Variants in HEMK1 observed in about 807,000 individuals in gnomAD.
HEMK1 encodes the protein HemK methyltransferase 1, mitochondrial release factors N(5)-glutamine.
A neutral mutation model predicts 47.9 loss-of-function variants in HEMK1; 36 were observed. The observed-to-expected ratio is 0.75, with a 90% confidence interval of 0.58 to 0.99. The LOEUF is 0.99. HEMK1 is among the 50% of genes least tolerant of loss of function. The pLI is 0.00. For missense variants in HEMK1, 383 were observed against 434.5 expected, an observed-to-expected ratio of 0.88 and a Z score of 1.05; for synonymous variants, 153 against 165.4, an observed-to-expected ratio of 0.93 and a Z score of 0.57.
In HEMK1 at chr3:50,584,527, G is replaced by A. The variant is rs2031174461; in HGVS notation, c.*4110G>A. 6.6e-6 allele frequency: 1 copy of A among 152,210 alleles called. No homozygotes were observed. Among genetic ancestry groups the A allele is most frequent in the Admixed American group, 6.5e-5 (1 of 15,282 alleles). 9.4% of individuals were successfully genotyped at this position (152,210 alleles called of 1,614,324 possible). On this transcript the variant is annotated 3_prime_UTR_variant, in exon 11 of 11. Coordinates refer to ENST00000232854, the MANE Select transcript of HEMK1 (RefSeq NM_016173.5). The stretch of plus-strand genomic sequence containing the variant: ...GGGCCTCTGTAAAGGAGGCAGGAGT[G>A]TCAGAGTGACGGAAGAAAATGTATG...
At chr3:50,572,427 C>A (rs541522385) in intron 4 of HEMK1, among the ~76,000 whole-genome samples, 1 of 152,354 alleles carries the variant, frequency 6.6e-6, no homozygotes, top group East Asian at 1.9e-4. Context: ...ATCAACCCAG[C>A]CTCTAGGTCT....
Position 50,580,139 on chromosome 3 carries a change from C to T in HEMK1, c.890C>T (p.Pro297Leu), listed in dbSNP as rs2030566481. The T allele has an allele frequency of 6.2e-7, 1 of 1,614,146 alleles. No homozygotes were observed. The highest frequency in any genetic ancestry group is 2.2e-5 in the East Asian group (1 of 44,894). The change falls in exon 10 of 11, where the codon CCA becomes CTA. Residue 297 changes from proline to leucine, a missense_variant. Transcript: ENST00000232854. ...DSGSIFLEVD[P>L]RHPELVSSWL... ...AGTAGTATCTTCTTAGAAGTGGACC[C>T]AAGGCACCCGGAGCTTGTCAGCAGC...
In HEMK1 at chr3:50,588,465, G is replaced by A. The variant is rs2031526751; in HGVS notation, c.*8048G>A. 6.6e-6 allele frequency: 1 copy of A among 152,288 alleles called. No individual in the cohort carries two copies. Among genetic ancestry groups the A allele is most frequent in the African/African-American group, 2.4e-5 (1 of 41,466 alleles). The allele number at this position is 152,288 out of a possible 1,614,324, so 9.4% of individuals were successfully genotyped here. On this transcript the variant is annotated 3_prime_UTR_variant, in exon 11 of 11. Coordinates refer to ENST00000232854, the MANE Select transcript of HEMK1 (RefSeq NM_016173.5). The stretch of plus-strand genomic sequence containing the variant: ...CCCCCCAGAGGGGCCTCAGGAGCCA[G>A]TTAGGTGCCCCACAGCCAACGTGGG...
rs1025181307 is a variant in HEMK1 at position 50,586,256 on chromosome 3, C to A, written c.*5839C>A. On this transcript the variant is annotated 3_prime_UTR_variant, in exon 11 of 11. Coordinates refer to ENST00000232854, the MANE Select transcript of HEMK1 (RefSeq NM_016173.5). ...AATCAGAAGCTTCAAATTCTAGAGG[C>A]CCCTTTTCTTCCAAAGACTACCTCT... 1.3e-5 allele frequency: 2 copies of A among 152,254 alleles called. No individual in the cohort carries two copies. Among genetic ancestry groups the A allele is most frequent in the Non-Finnish European group, 2.9e-5 (2 of 68,050 alleles). 9.4% of individuals were successfully genotyped at this position (152,254 alleles called of 1,614,324 possible). A position where few individuals can be genotyped will look rare whatever the true frequency, so the allele number is the denominator to read the frequency against.
chr3:50,575,115 C>T (rs868223397), intron 4 of HEMK1, among the ~76,000 whole-genome samples: 10 of 152,026 alleles, frequency 6.6e-5, no homozygotes, highest in South Asian at 4.1e-4. Flanking sequence ...AGAGAGCTTG[C>T]CCATCACTTA....
rs566355342 is a variant in HEMK1 at position 50,584,828 on chromosome 3, T to A, written c.*4411T>A. On this transcript the variant is annotated 3_prime_UTR_variant, in exon 11 of 11. Coordinates refer to ENST00000232854, the MANE Select transcript of HEMK1 (RefSeq NM_016173.5). ...ATAGATTGTGGTGCCCAAATTAGAG[T>A]GCTGCTGTAACACACGCCTACTGAT... is the stretch of plus-strand genomic sequence containing the variant. 1 of 152,266 alleles carries A rather than the reference T, an allele frequency of 6.6e-6. No individual in the cohort carries two copies. The highest frequency in any genetic ancestry group is 6.5e-5 in the Admixed American group (1 of 15,298). The allele number at this position is 152,266 out of a possible 1,614,324, so 9.4% of individuals were successfully genotyped here. A position where few individuals can be genotyped will look rare whatever the true frequency, so the allele number is the denominator to read the frequency against.
rs1259860931 is a variant in HEMK1 at position 50,592,222 on chromosome 3, C to T, written c.*11805C>T. On this transcript the variant is annotated 3_prime_UTR_variant, in exon 11 of 11. Transcript: ENST00000232854. The stretch of plus-strand genomic sequence containing the variant: ...GAAATGAACCAGACCTTATCCACAT[C>T]CCTGACCTTTTTGGCTTCATGCTTG... The T allele has an allele frequency of 6.6e-6, 1 of 152,184 alleles. No homozygotes were observed. The highest frequency in any genetic ancestry group is 1.5e-5 in the Non-Finnish European group (1 of 68,048). 9.4% of individuals were successfully genotyped at this position (152,184 alleles called of 1,614,324 possible). A position where few individuals can be genotyped will look rare whatever the true frequency, so the allele number is the denominator to read the frequency against.
chr3:50,574,336 T>C (rs1701339938), intron 4 of HEMK1, among the ~76,000 whole-genome samples: 2 of 152,216 alleles, frequency 1.3e-5, no homozygotes, highest in Non-Finnish European at 2.9e-5. Context: ...GGCTGTTATC[T>C]ACCCCTGCCC....
rs372413292 is a variant in HEMK1, at chr3:50,572,209, G to A, written c.414+1G>A. The A allele has an allele frequency of 8.1e-6, 13 of 1,612,782 alleles. No individual in the cohort carries two copies. The African/African-American group carries it at 1.5e-4, about 18-fold the overall frequency. On this transcript the variant is annotated splice_donor_variant, in intron 4 of 10. Coordinates refer to ENST00000232854, the MANE Select transcript of HEMK1 (RefSeq NM_016173.5). LOFTEE classifies it high-confidence loss of function. ...GTTTATTCCTCGGCCAGAAACAGAG[G>A]TAGGTGTGCCACCAGGGCAAGGCAG...
intron 4 of HEMK1, among the ~76,000 whole-genome samples, chr3:50,575,584 G>T (rs1201223334): frequency 6.6e-6 from 1 of 152,200 alleles, no homozygotes; most frequent in Non-Finnish European, 1.5e-5. Flanking sequence ...CTAGACCTTA[G>T]GCTCAGGGTG....
chr3:50,577,498 T>C lies in HEMK1; in HGVS notation c.550-11T>C. 6.2e-7 allele frequency: 1 copy of C among 1,613,866 alleles called. No homozygotes were observed. The highest frequency in any genetic ancestry group is 8.5e-7 in the Non-Finnish European group (1 of 1,179,732). ...TGCCTTCCACATATCCTCTGTTTGT[T>C]CTTGGGACAGAGCCGAGTCATTGCT... On this transcript the variant is annotated splice_polypyrimidine_tract_variant and intron_variant, in intron 5 of 10. Coordinates refer to ENST00000232854, the MANE Select transcript of HEMK1 (RefSeq NM_016173.5).
Position 50,570,831 on chromosome 3 carries a change from G to A in HEMK1, c.-174-100G>A. Reference sequence around the variant, plus strand: ...GTAAGGCTCTAAATGGAGTCAAGGGGGTGTCAGAGCAAGAGCACAACTATT... The same window carrying A: ...GTAAGGCTCTAAATGGAGTCAAGGGAGTGTCAGAGCAAGAGCACAACTATT... On this transcript the variant is annotated intron_variant, in intron 1 of 10. Transcript: ENST00000232854. 5.7e-6 allele frequency: 2 copies of A among 351,082 alleles called. 1 individual carries two copies. Among genetic ancestry groups the A allele is most frequent in the Admixed American group, 9.4e-5 (2 of 21,322 alleles). 21.7% of individuals were successfully genotyped at this position (351,082 alleles called of 1,614,324 possible).
At chr3:50,580,354 A>T in intron 10 of HEMK1, 27 bp from the exon 11 acceptor site, 1 of 1,614,024 alleles carries the variant, frequency 6.2e-7, no homozygotes, top group South Asian at 1.1e-5. Flanking sequence ...CCCAGGTGGT[A>T]ACCAGCCCCT....
chr3:50,580,058 C>A, intron 9 of HEMK1, 58 bp from the exon 10 acceptor site: 1 of 1,554,564 alleles, frequency 6.4e-7, no homozygotes, highest in Non-Finnish European at 8.9e-7. Context: ...CCCAAGCAGC[C>A]CAGAAGGGCA....
chr3:50,587,680 A>G lies in HEMK1; in HGVS notation c.*7263A>G, dbSNP rs1220729187. 2.0e-5 allele frequency: 3 copies of G among 152,266 alleles called. No homozygotes were observed. Among genetic ancestry groups the G allele is most frequent in the Non-Finnish European group, 4.4e-5 (3 of 68,092 alleles). The allele number at this position is 152,266 out of a possible 1,614,324, so 9.4% of individuals were successfully genotyped here. A position where few individuals can be genotyped will look rare whatever the true frequency, so the allele number is the denominator to read the frequency against. On this transcript the variant is annotated 3_prime_UTR_variant, in exon 11 of 11. Transcript: ENST00000232854. This position sits in a 1 kb window ranked among gnomAD's most constrained non-coding sequence, Gnocchi z 4.2. ...TGCAGACATGCGGGTAGGGATATGT[A>G]GGGGTGAGGTGGTGCCGAGAGGTCC...
rs2031527162 is a variant in HEMK1, at chr3:50,588,468, A to AT, written c.*8051_*8052insT. 6.6e-6 allele frequency: 1 copy of AT among 152,278 alleles called. No individual in the cohort carries two copies. Among genetic ancestry groups the AT allele is most frequent in the Non-Finnish European group, 1.5e-5 (1 of 68,068 alleles). 9.4% of individuals were successfully genotyped at this position (152,278 alleles called of 1,614,324 possible). On this transcript the variant is annotated 3_prime_UTR_variant, in exon 11 of 11. Transcript: ENST00000232854. ...CCCAGAGGGGCCTCAGGAGCCAGTT[A>AT]GGTGCCCCACAGCCAACGTGGGCTC...
chr3:50,577,668 G>T lies in HEMK1; in HGVS notation c.614+95G>T, dbSNP rs930718600. 3.5e-6 allele frequency: 5 copies of T among 1,419,918 alleles called. No individual in the cohort carries two copies. In the African/African-American group the frequency reaches 5.6e-5, roughly 16 times the overall value. 88.0% of individuals were successfully genotyped at this position (1,419,918 alleles called of 1,614,324 possible). ...GATTTCTACTCCCAAGAAGGAGGAAGCAGTGGGGTAGCCTGGCATGGGTCC... is the reference window on the plus strand; with the variant it reads ...GATTTCTACTCCCAAGAAGGAGGAATCAGTGGGGTAGCCTGGCATGGGTCC... On this transcript the variant is annotated intron_variant, in intron 6 of 10. Transcript: ENST00000232854.
chr3:50,571,817 T>A lies in HEMK1; in HGVS notation c.320+16T>A. The A allele has an allele frequency of 6.2e-7, 1 of 1,610,054 alleles. No individual in the cohort carries two copies. Among genetic ancestry groups the A allele is most frequent in the South Asian group, 1.1e-5 (1 of 91,008 alleles). ...GATTGCAGAGGTGAGCACCCATGGATCAGACCTGAAGGATGTGTTCAGGGA... is the reference window on the plus strand; with the variant it reads ...GATTGCAGAGGTGAGCACCCATGGAACAGACCTGAAGGATGTGTTCAGGGA... On this transcript the variant is annotated intron_variant, in intron 3 of 10. Transcript: ENST00000232854.
In HEMK1 at chr3:50,580,530, C is replaced by A; in HGVS notation, c.*113C>A. 9.3e-7 allele frequency: 1 copy of A among 1,070,178 alleles called. No homozygotes were observed. The highest frequency in any genetic ancestry group is 1.4e-6 in the Non-Finnish European group (1 of 721,558). 66.3% of individuals were successfully genotyped at this position (1,070,178 alleles called of 1,614,324 possible). ...GCATTTCCCAGGGTTCTGTGATTTC[C>A]CCATGCTCTGCATTTCTAGGATATT... On this transcript the variant is annotated 3_prime_UTR_variant, in exon 11 of 11. Transcript: ENST00000232854.
Sources: allele counts gnomAD v4.1 joint callset (sites outside exome capture counted in the v4.1 genomes callset), GRCh38; gene constraint gnomAD v4.1.1; non-coding constraint Gnocchi (gnomAD v3.1); transcripts MANE v1.5; gene names NCBI Gene and HGNC (gene_info 2026-07-23, HGNC 2026-07-21).